HTR2A: variants seen among roughly 807,000 people sequenced by gnomAD.
HTR2A encodes 5-HT2 receptor.
Under a neutral mutation model 31.0 loss-of-function variants are expected in HTR2A, and 14 were observed. The ratio of observed to expected loss-of-function variants is 0.45; its 90% CI spans 0.30 to 0.71. The LOEUF is 0.71. Ranked by LOEUF, HTR2A falls within the 30% of genes least tolerant of loss-of-function variation. The pLI, the probability that HTR2A is intolerant of heterozygous loss-of-function variation, is 0.09. For missense variants in HTR2A, 442 were observed against 573.3 expected, an observed-to-expected ratio of 0.77 and a Z score of 2.34; for synonymous variants, 209 against 225.2, an observed-to-expected ratio of 0.93 and a Z score of 0.64.
chr13:46,894,737 G>A (rs1023275103), intron 2 of HTR2A, among the ~76,000 whole-genome samples: 1 of 152,166 alleles, frequency 6.6e-6, no homozygotes, highest in African/African-American at 2.4e-5. Flanking sequence ...ATCACATTCT[G>A]GTCCCTTGCT....
intron 3 of HTR2A, among the ~76,000 whole-genome samples, chr13:46,889,808 CAA>C (rs754290142): frequency 2.2e-4 from 33 of 152,320 alleles, no homozygotes; most frequent in Admixed American, 1.5e-3. Context: ...GAAGAAAACT[CAA>C]GAGAATATTT....
At chr13:46,839,619 C>T (rs375066855) in intron 3 of HTR2A, among the ~76,000 whole-genome samples, 7 of 152,176 alleles carry the variant, frequency 4.6e-5, no homozygotes, top group East Asian at 3.8e-4. Context: ...AATTACATGA[C>T]TCTGCATTTT....
intron 3 of HTR2A, among the ~76,000 whole-genome samples, chr13:46,867,618 A>G (rs1369236989): frequency 1.3e-5 from 2 of 152,200 alleles, no homozygotes; most frequent in African/African-American, 4.8e-5. Flanking sequence ...CTCCATCTGG[A>G]GCAAAGGTCA....
chr13:46,876,803 G>T (rs1454000274), intron 3 of HTR2A, among the ~76,000 whole-genome samples: 1 of 152,052 alleles, frequency 6.6e-6, no homozygotes, highest in East Asian at 1.9e-4. Flanking sequence ...TCCTCACTGT[G>T]TCCCCCACAT....
chr13:46,844,396 C>T (rs1950623580), intron 3 of HTR2A, among the ~76,000 whole-genome samples: 1 of 152,088 alleles, frequency 6.6e-6, no homozygotes, highest in African/African-American at 2.4e-5. Context: ...ATGAGGCTGC[C>T]AATTAGCCAC....
chr13:46,873,256 TTTTG>T (rs1950878052), intron 3 of HTR2A, among the ~76,000 whole-genome samples: 1 of 151,934 alleles, frequency 6.6e-6, no homozygotes, highest in African/African-American at 2.4e-5. Flanking sequence ...TAGACACCAC[TTTTG>T]TTTTTTATTC....
In HTR2A at chr13:46,888,086, CA is replaced by C. The variant is rs10666389; in HGVS notation, c.613+4303del. ...TGAACTTAAAAGTTGAAGAACAAAGCAAAAAAAAAAATGTAGAAGTGCTTGA... is the reference window on the plus strand; with the variant it reads ...TGAACTTAAAAGTTGAAGAACAAAGCAAAAAAAAAATGTAGAAGTGCTTGA... On this transcript the variant is annotated intron_variant, in intron 3 of 3. Coordinates refer to ENST00000542664, the MANE Select transcript of HTR2A (RefSeq NM_000621.5). Among the ~76,000 whole-genome samples the C allele has an allele frequency of 3.2e-3, 471 of 149,012 alleles. 3 individuals are homozygous for C. Among genetic ancestry groups the C allele is most frequent in the African/African-American group, 0.011 (446 of 40,620 alleles).
At chr13:46,851,679 C>T (rs977759505) in intron 3 of HTR2A, among the ~76,000 whole-genome samples, 1 of 152,164 alleles carries the variant, frequency 6.6e-6, no homozygotes, top group African/African-American at 2.4e-5. Context: ...GTGGATCCAG[C>T]CAAATAAGCT....
At chr13:46,850,182 T>G (rs1950672454) in intron 3 of HTR2A, among the ~76,000 whole-genome samples, 1 of 152,194 alleles carries the variant, frequency 6.6e-6, no homozygotes. Flanking sequence ...ATATCCTAGT[T>G]AATAATAATC....
intron 3 of HTR2A, among the ~76,000 whole-genome samples, chr13:46,862,617 C>G (rs936036733): frequency 6.6e-6 from 1 of 152,164 alleles, no homozygotes; most frequent in Non-Finnish European, 1.5e-5. Context: ...GCTGGCCACT[C>G]GGGAGATCAC....
intron 3 of HTR2A, among the ~76,000 whole-genome samples, chr13:46,843,219 A>C (rs1950613620): frequency 6.6e-6 from 1 of 152,178 alleles, no homozygotes; most frequent in African/African-American, 2.4e-5. Flanking sequence ...TATTGTTATA[A>C]TTGTTCTATT....
intron 3 of HTR2A, among the ~76,000 whole-genome samples, chr13:46,860,921 G>A (rs1950773993): frequency 6.6e-6 from 1 of 152,164 alleles, no homozygotes; most frequent in Non-Finnish European, 1.5e-5. Flanking sequence ...AGCACAGGGA[G>A]CTTGATGAAA....
chr13:46,838,600 T>C (rs143719283), intron 3 of HTR2A, among the ~76,000 whole-genome samples: 16 of 152,312 alleles, frequency 1.1e-4, no homozygotes, highest in African/African-American at 3.6e-4. Flanking sequence ...CTTTTGGCTA[T>C]TGGCCGTAGA....
intron 3 of HTR2A, among the ~76,000 whole-genome samples, chr13:46,871,776 G>A (rs188255934): frequency 8.7e-4 from 133 of 152,272 alleles, no homozygotes; most frequent in African/African-American, 2.9e-3. Context: ...TGGAAACTTA[G>A]AAGTAGAATC....
chr13:46,892,609 G>T lies in HTR2A; in HGVS notation c.413-19C>A. 1.2e-6 allele frequency: 2 copies of T among 1,609,574 alleles called. No individual in the cohort carries two copies. The highest frequency in any genetic ancestry group is 1.7e-6 in the Non-Finnish European group (2 of 1,176,238). On this transcript the variant is annotated intron_variant, in intron 2 of 3. Transcript: ENST00000542664. Reference sequence around the variant, plus strand: ...CGGTACCCTATGAGGCAGAAGGTTGGTGTCAGTGAGCAACCCTGTGCCTCC... The same window carrying T: ...CGGTACCCTATGAGGCAGAAGGTTGTTGTCAGTGAGCAACCCTGTGCCTCC...
At chr13:46,883,278 A>G (rs1327858504) in intron 3 of HTR2A, among the ~76,000 whole-genome samples, 2 of 114,048 alleles carry the variant, frequency 1.8e-5, no homozygotes, top group East Asian at 6.1e-4. Flanking sequence ...TTAGGATTCT[A>G]TGTAAGGTGT....
In HTR2A at chr13:46,896,896, C is replaced by T. The variant is rs2138261825; in HGVS notation, c.-551G>A. 7.0e-7 allele frequency: 1 copy of T among 1,421,334 alleles called. No individual in the cohort carries two copies. 88.0% of individuals were successfully genotyped at this position (1,421,334 alleles called of 1,614,324 possible). On this transcript the variant is annotated 5_prime_UTR_variant, in exon 1 of 4. Transcript: ENST00000542664. The stretch of plus-strand genomic sequence containing the variant: ...GTTGGCTTCCTCTGGCACGGCTCGG[C>T]TGGGTTCCTCCCTCCCTGTGCGGCT...
chr13:46,887,598 G>T (rs958389030), intron 3 of HTR2A, among the ~76,000 whole-genome samples: 1 of 151,556 alleles, frequency 6.6e-6, no homozygotes, highest in Non-Finnish European at 1.5e-5. Flanking sequence ...TAATATTTAA[G>T]AAAATAGATG....
intron 3 of HTR2A, among the ~76,000 whole-genome samples, chr13:46,855,196 C>G (rs531225629): frequency 6.6e-6 from 1 of 152,172 alleles, no homozygotes; most frequent in African/African-American, 2.4e-5. Context: ...TCAGTTTAAG[C>G]CAATAAGTTT....
Sources: allele counts gnomAD v4.1 joint callset (sites outside exome capture counted in the v4.1 genomes callset), GRCh38; gene constraint gnomAD v4.1.1; transcripts MANE v1.5; gene names NCBI Gene and HGNC (gene_info 2026-07-23, HGNC 2026-07-21).